The following ANKRD45 variants were observed in gnomAD, a reference collection of about 807,000 sequenced individuals.
ANKRD45 encodes ankyrin repeat domain 45, also known as ankyrin repeat domain-containing protein 45.
In ANKRD45, 21 loss-of-function variants were observed where a neutral mutation model predicts 28.1. The ratio of observed to expected loss-of-function variants is 0.75; its 90% CI spans 0.53 to 1.08. The LOEUF (loss-of-function observed/expected upper bound fraction) is 1.08. Ranked by LOEUF, ANKRD45 falls within the 50% of genes least tolerant of loss-of-function variation. The pLI is 0.00. For missense variants in ANKRD45, 261 were observed against 308.7 expected, an observed-to-expected ratio of 0.85 and a Z score of 1.16; for synonymous variants, 86 against 103.9, an observed-to-expected ratio of 0.83 and a Z score of 1.05.
chr1:173,662,648 T>C (rs942721364), intron 1 of ANKRD45, among the ~76,000 whole-genome samples: 3 of 152,208 alleles, frequency 2.0e-5, no homozygotes, highest in African/African-American at 7.2e-5. Flanking sequence ...TCTTAATTGA[T>C]GGCAGGAAGA....
intron 3 of ANKRD45, among the ~76,000 whole-genome samples, chr1:173,628,904 C>A (rs757779150): frequency 9.9e-5 from 15 of 152,202 alleles, no homozygotes; most frequent in Non-Finnish European, 1.9e-4. Context: ...CTTGTCTTAC[C>A]CCTCCCCCAG....
chr1:173,622,621 T>C (rs1667751884), intron 5 of ANKRD45, among the ~76,000 whole-genome samples: 2 of 152,290 alleles, frequency 1.3e-5, no homozygotes, highest in Non-Finnish European at 2.9e-5. Flanking sequence ...AAATTGAAAC[T>C]GGACCCCTTC....
chr1:173,624,782 C>T lies in ANKRD45; in HGVS notation c.730+5G>A, dbSNP rs1199570163. 2 of 1,610,416 alleles carry T rather than the reference C, an allele frequency of 1.2e-6. No homozygotes were observed. The highest frequency in any genetic ancestry group is 8.5e-7 in the Non-Finnish European group (1 of 1,178,446). The stretch of plus-strand genomic sequence containing the variant: ...CATTCAAACCACCTTTTATCCAAAA[C>T]TTACATGGTGTAGTCATTTTTGTGA... On this transcript the variant is annotated splice_donor_5th_base_variant and intron_variant, in intron 5 of 5. Coordinates refer to ENST00000333279, the MANE Select transcript of ANKRD45 (RefSeq NM_198493.3).
At chr1:173,620,357 G>A (rs1345277582) in intron 5 of ANKRD45, among the ~76,000 whole-genome samples, 1 of 152,154 alleles carries the variant, frequency 6.6e-6, no homozygotes, top group Non-Finnish European at 1.5e-5. Context: ...TGACTCCTGG[G>A]TAAATACTGA....
chr1:173,700,891 C>T, the ANKRD45 span, among the ~76,000 whole-genome samples: 1 of 152,204 alleles, frequency 6.6e-6, no homozygotes. Flanking sequence ...AGGCAACCTA[C>T]AGGATGGGAG....
chr1:173,712,430 T>G, the ANKRD45 span, among the ~76,000 whole-genome samples: 1 of 152,210 alleles, frequency 6.6e-6, no homozygotes, highest in African/African-American at 2.4e-5. Context: ...TCTGTGAAAC[T>G]GGAATGATGA....
chr1:173,635,310 A>C, intron 3 of ANKRD45: 1 of 493,562 alleles, frequency 2.0e-6, no homozygotes. Flanking sequence ...TGATGTTACA[A>C]TGATCATCAC....
intron 3 of ANKRD45, among the ~76,000 whole-genome samples, chr1:173,632,529 A>C (rs1668239241): frequency 7.4e-6 from 1 of 135,772 alleles, no homozygotes; most frequent in South Asian, 2.4e-4. Flanking sequence ...AAGACACATC[A>C]AAAAAAAAAA....
chr1:173,608,441 C>T lies in ANKRD45; in HGVS notation c.*1704G>A, dbSNP rs1375235254. Among the ~76,000 whole-genome samples, 1 of 152,056 alleles carries T rather than the reference C, an allele frequency of 6.6e-6. No homozygotes were observed. Among genetic ancestry groups the T allele is most frequent in the Non-Finnish European group, 1.5e-5 (1 of 68,010 alleles). On this transcript the variant is annotated 3_prime_UTR_variant, in exon 6 of 6. Coordinates refer to ENST00000333279, the MANE Select transcript of ANKRD45 (RefSeq NM_198493.3). ...CAGGTGATTCTCCTGCCTCAGCCTC[C>T]CAAGTCACTGGGATTACAGGCACGT...
In ANKRD45 at chr1:173,628,171, T is replaced by C. The variant is rs1050358452; in HGVS notation, c.497-1012A>G. 5.9e-5 allele frequency among the ~76,000 whole-genome samples: 9 copies of C among 151,652 alleles called. No individual in the cohort carries two copies. In the East Asian group the frequency reaches 1.8e-3, roughly 30 times the overall value. On this transcript the variant is annotated intron_variant, in intron 3 of 5. Coordinates refer to ENST00000333279, the MANE Select transcript of ANKRD45 (RefSeq NM_198493.3). ...GGACCTTGGGTGAGACTCAGAGCCA[T>C]GCTGGCTTCAGGGGTGACCCAGAAC...
At chr1:173,640,674 A>G (rs1668660320) in intron 3 of ANKRD45, among the ~76,000 whole-genome samples, 1 of 152,172 alleles carries the variant, frequency 6.6e-6, no homozygotes, top group Non-Finnish European at 1.5e-5. Context: ...TGAAAGATCA[A>G]TGACAGCTAG....
chr1:173,709,533 G>C, the ANKRD45 span, among the ~76,000 whole-genome samples: 1 of 152,164 alleles, frequency 6.6e-6, no homozygotes. Flanking sequence ...ATGAGGGCAT[G>C]AACACCAAGA....
intron 5 of ANKRD45, among the ~76,000 whole-genome samples, chr1:173,623,621 G>A (rs12059157): frequency 0.17 from 25,829 of 152,024 alleles, 7,314 homozygotes; most frequent in African/African-American, 0.59. Flanking sequence ...ATATACCCAA[G>A]GGAATATAAA....
chr1:173,700,400 C>G, the ANKRD45 span, among the ~76,000 whole-genome samples: 1 of 152,212 alleles, frequency 6.6e-6, no homozygotes, highest in Non-Finnish European at 1.5e-5. Context: ...CTGGAGGCAT[C>G]ATGCTACCTG....
At chr1:173,666,802 A>G (rs1221622874) in intron 1 of ANKRD45, among the ~76,000 whole-genome samples, 3 of 152,158 alleles carry the variant, frequency 2.0e-5, no homozygotes, top group African/African-American at 4.8e-5. Context: ...ACCCAAGCTG[A>G]AGTGCAGTGA....
chr1:173,613,573 G>A (rs1162036376), intron 5 of ANKRD45, among the ~76,000 whole-genome samples: 25 of 109,690 alleles, frequency 2.3e-4, no homozygotes, highest in Non-Finnish European at 3.8e-4. Flanking sequence ...CCCCCCCCCC[G>A]GCCAGCCGCC....
chr1:173,711,386 T>G, the ANKRD45 span, among the ~76,000 whole-genome samples: 1 of 152,220 alleles, frequency 6.6e-6, no homozygotes, highest in African/African-American at 2.4e-5. Flanking sequence ...TAAGATGAAC[T>G]TTGGTTCCGT....
chr1:173,622,983 G>C (rs895340134), intron 5 of ANKRD45, among the ~76,000 whole-genome samples: 1 of 151,854 alleles, frequency 6.6e-6, no homozygotes, highest in Admixed American at 6.6e-5. Flanking sequence ...TTAAAAAGTT[G>C]GCAAAAGACA....
chr1:173,646,976 A>G lies in ANKRD45; in HGVS notation c.366T>C (p.Arg122=). 1 of 1,614,150 alleles carries G rather than the reference A, an allele frequency of 6.2e-7. No homozygotes were observed. The highest frequency in any genetic ancestry group is 2.2e-5 in the East Asian group (1 of 44,884). Residue 122 remains arginine (R), a synonymous_variant, in exon 3 of 6, where the codon CGT becomes CGC. Coordinates refer to ENST00000333279, the MANE Select transcript of ANKRD45 (RefSeq NM_198493.3). ...TLLHCAAAWG[R]LETLKALVEL... is the part of the protein sequence containing the mutation. ...CTACCAGTGCTTTCAAAGTTTCCAA[A>G]CGACCCCAGGCTGCAGCACAATGTA...
Sources: gnomAD v4.1 joint callset for allele counts (sites outside exome capture counted in the v4.1 genomes callset) on GRCh38, gnomAD v4.1.1 for gene constraint, MANE v1.5 for transcripts, NCBI Gene and HGNC (gene_info 2026-07-23, HGNC 2026-07-21) for gene names.